The following SRGAP1 variants were observed in gnomAD, a reference collection of about 807,000 sequenced individuals.
SRGAP1 encodes the protein SLIT-ROBO Rho GTPase-activating protein 1.
Under a neutral mutation model 121.9 loss-of-function variants are expected in SRGAP1, and 43 were observed. The observed-to-expected ratio is 0.35, with a 90% CI of 0.28 to 0.46. SRGAP1 has a LOEUF of 0.46. Among genes scored for constraint, SRGAP1 ranks in the 20% least tolerant of loss-of-function variants. The pLI, the probability that SRGAP1 is intolerant of heterozygous loss-of-function variation, is 1.00. For synonymous variants in SRGAP1, 447 were observed against 485.4 expected (o/e 0.92, Z 1.04); for missense variants, 1,102 against 1,350.9 (o/e 0.82, Z 2.89).
chr12:63,927,565 T>A (rs2031306832), intron 1 of SRGAP1, among the ~76,000 whole-genome samples: 2 of 152,138 alleles, frequency 1.3e-5, no homozygotes, highest in East Asian at 3.9e-4. Context: ...CTTTCACACT[T>A]CTCTTTTGTT....
chr12:64,079,097 C>T lies in SRGAP1; in HGVS notation c.1304C>T (p.Thr435Ile). Reference protein sequence around the residue: ...IAKRRANQQETEQFYFMKLRE... With the variant: ...IAKRRANQQEIEQFYFMKLRE... Reference sequence around the variant, plus strand: ...AAGAGAAGAGCCAACCAGCAGGAAACTGAACAGTTCTACTTCATGGTGTGC... The same window carrying T: ...AAGAGAAGAGCCAACCAGCAGGAAATTGAACAGTTCTACTTCATGGTGTGC... Residue 435 changes from threonine to isoleucine, a missense_variant, in exon 9 of 22, where the codon ACT becomes ATT. Around this residue, in one of 3 missense-constraint regions of SRGAP1, gnomAD observed 747 missense variants for 929.4 expected, o/e 0.80. Coordinates refer to ENST00000355086, the MANE Select transcript of SRGAP1 (RefSeq NM_020762.4). 1 of 1,613,682 alleles carries T rather than the reference C, an allele frequency of 6.2e-7. No homozygotes were observed. The highest frequency in any genetic ancestry group is 8.5e-7 in the Non-Finnish European group (1 of 1,179,928).
At chr12:64,010,194 C>T (rs919652773) in intron 3 of SRGAP1, among the ~76,000 whole-genome samples, 1 of 152,094 alleles carries the variant, frequency 6.6e-6, no homozygotes, top group African/African-American at 2.4e-5. Context: ...CTTTTACTCC[C>T]GCGGTGACTC....
At chr12:64,053,623 TA>T (rs1426836152) in intron 6 of SRGAP1, among the ~76,000 whole-genome samples, 4 of 152,204 alleles carry the variant, frequency 2.6e-5, no homozygotes, top group Non-Finnish European at 5.9e-5. Flanking sequence ...ATTGTAAGAA[TA>T]AATATATTGC....
chr12:63,932,494 C>T (rs2031514593), intron 1 of SRGAP1, among the ~76,000 whole-genome samples: 1 of 152,178 alleles, frequency 6.6e-6, no homozygotes. Flanking sequence ...AAATTTCCAT[C>T]TGTTGCTGGT....
intron 10 of SRGAP1, chr12:64,081,405 A>C (rs1263332216): frequency 6.6e-6 from 1 of 152,122 alleles, no homozygotes; most frequent in East Asian, 1.9e-4. Context: ...CCACATGGAG[A>C]AAGGTTATCA....
chr12:64,145,633 T>A lies in SRGAP1; in HGVS notation c.*2961T>A, dbSNP rs1337187307. The stretch of plus-strand genomic sequence containing the variant: ...GACTCAGTAAAGACTCACCTCTCCT[T>A]ACTTGGTTTATTAAATGTCTTCAGA... On this transcript the variant is annotated 3_prime_UTR_variant, in exon 22 of 22. Transcript: ENST00000355086. The A allele has an allele frequency of 6.6e-6, 1 of 152,138 alleles. No homozygotes were observed. The highest frequency in any genetic ancestry group is 1.5e-5 in the Non-Finnish European group (1 of 68,050). The allele number at this position is 152,138 out of a possible 1,614,324, so 9.4% of individuals were successfully genotyped here.
At chr12:64,014,970 C>CAA (rs368243098) in intron 3 of SRGAP1, among the ~76,000 whole-genome samples, 54,557 of 151,758 alleles carry the variant, frequency 0.36, 10,976 homozygotes, top group Non-Finnish European at 0.48. Context: ...GTGTGTGCCA[C>CAA]CACACCTGGC....
At chr12:63,895,897 A>C (rs1900739247) in intron 1 of SRGAP1, among the ~76,000 whole-genome samples, 1 of 152,238 alleles carries the variant, frequency 6.6e-6, no homozygotes, top group African/African-American at 2.4e-5. Flanking sequence ...TGCACCCTGC[A>C]ATCAGCTGTG....
Position 64,126,022 on chromosome 12 carries a change from G to C in SRGAP1, c.2270G>C (p.Arg757Pro). ...ATAGCCAAGTTTGACTATGTTGGGC[G>C]GTCTGCCAGAGAACTATCCTTCAAG... ...EAIAKFDYVGRSARELSFKKG... is the reference protein window; with the variant it reads ...EAIAKFDYVGPSARELSFKKG... The change falls in exon 19 of 22, where the codon CGG (arginine) becomes CCG (proline). Residue 757 changes from arginine (R) to proline (P), a missense_variant. Arg to Pro is a moderately radical substitution (Grantham distance 103). This residue lies in a region of SRGAP1 where 747 missense variants were observed against 929.4 expected (regional missense o/e 0.80). Coordinates refer to ENST00000355086, the MANE Select transcript of SRGAP1 (RefSeq NM_020762.4). 2.5e-6 allele frequency: 4 copies of C among 1,614,104 alleles called. No individual in the cohort carries two copies. Among genetic ancestry groups the C allele is most frequent in the African/African-American group, 1.3e-5 (1 of 75,038 alleles).
At chr12:64,125,247 C>T (rs2036669011) in intron 18 of SRGAP1, among the ~76,000 whole-genome samples, 1 of 152,104 alleles carries the variant, frequency 6.6e-6, no homozygotes, top group Admixed American at 6.6e-5. Context: ...TTTTCACTCA[C>T]CATCATTCCC....
intron 3 of SRGAP1, among the ~76,000 whole-genome samples, chr12:64,008,356 A>C (rs1367674096): frequency 2.3e-5 from 3 of 130,752 alleles, no homozygotes; most frequent in East Asian, 4.0e-4. Flanking sequence ...TACTTACTCC[A>C]TAAGAATGTT....
intron 1 of SRGAP1, among the ~76,000 whole-genome samples, chr12:63,861,990 G>A (rs141363449): frequency 1.8e-3 from 279 of 152,076 alleles, no homozygotes; most frequent in African/African-American, 6.4e-3. Context: ...GTGTGGTGGC[G>A]CATGCCTGTA....
In SRGAP1 at chr12:63,984,125, G is replaced by A. The variant is rs766717171; in HGVS notation, c.246G>A (p.Lys82=). The change falls in exon 2 of 22, where the codon AAG becomes AAA. Residue 82 remains lysine, a synonymous_variant. Transcript: ENST00000355086. ...ERFMAKTRST[K]DHQQYKKDQN... ...TCATGGCAAAAACAAGAAGCACTAA[G>A]GATCATCAACAATACAAGTAAGAGA... 6.7e-7 allele frequency: 1 copy of A among 1,496,802 alleles called. No homozygotes were observed. Among genetic ancestry groups the A allele is most frequent in the South Asian group, 1.4e-5 (1 of 73,816 alleles). 92.7% of individuals were successfully genotyped at this position (1,496,802 alleles called of 1,614,324 possible).
Position 64,091,955 on chromosome 12 carries a change from T to C in SRGAP1, c.1539+577T>C, listed in dbSNP as rs1479668731. On this transcript the variant is annotated intron_variant, in intron 12 of 21. Coordinates refer to ENST00000355086, the MANE Select transcript of SRGAP1 (RefSeq NM_020762.4). ...TAGTGCTAGAGGGACGTGAGGGTGC[T>C]CTTTCACTGTTGGTATCATTTTCAA... 15 of 1,527,546 alleles carry C rather than the reference T, an allele frequency of 9.8e-6. No homozygotes were observed. In the South Asian group the frequency reaches 1.1e-4, roughly 11 times the overall value. 94.6% of individuals were successfully genotyped at this position (1,527,546 alleles called of 1,614,324 possible).
At position 64,142,841 on chromosome 12, in the gene SRGAP1, C is replaced by A; in HGVS notation, c.*169C>A. On this transcript the variant is annotated 3_prime_UTR_variant, in exon 22 of 22. Coordinates refer to ENST00000355086, the MANE Select transcript of SRGAP1 (RefSeq NM_020762.4). ...CTGAGACTAGCTAAATTAACACGGG[C>A]ATTTGTATTTTGTAATTTTTTTAAA... The A allele has an allele frequency of 1.1e-6, 1 of 889,406 alleles. No individual in the cohort carries two copies. The highest frequency in any genetic ancestry group is 1.7e-6 in the Non-Finnish European group (1 of 595,332). The allele number at this position is 889,406 out of a possible 1,614,324, so 55.1% of individuals were successfully genotyped here.
chr12:64,142,840 G>T lies in SRGAP1; in HGVS notation c.*168G>T. The T allele has an allele frequency of 1.1e-6, 1 of 893,082 alleles. No individual in the cohort carries two copies. The highest frequency in any genetic ancestry group is 1.7e-6 in the Non-Finnish European group (1 of 599,360). 55.3% of individuals were successfully genotyped at this position (893,082 alleles called of 1,614,324 possible). A position where few individuals can be genotyped will look rare whatever the true frequency, so the allele number is the denominator to read the frequency against. ...TCTGAGACTAGCTAAATTAACACGG[G>T]CATTTGTATTTTGTAATTTTTTTAA... is the stretch of plus-strand genomic sequence containing the variant. On this transcript the variant is annotated 3_prime_UTR_variant, in exon 22 of 22. Coordinates refer to ENST00000355086, the MANE Select transcript of SRGAP1 (RefSeq NM_020762.4).
intron 18 of SRGAP1, among the ~76,000 whole-genome samples, chr12:64,124,039 C>T (rs1175131527): frequency 2.0e-5 from 3 of 151,804 alleles, no homozygotes; most frequent in Admixed American, 2.0e-4. Flanking sequence ...GTAGCAAGAC[C>T]CTGTCACTGT....
intron 12 of SRGAP1, among the ~76,000 whole-genome samples, chr12:64,094,641 T>C (rs569849110): frequency 6.6e-6 from 1 of 152,320 alleles, no homozygotes; most frequent in South Asian, 2.1e-4. Context: ...ACAGAGTTCT[T>C]TTTAAGTCCA....
At chr12:63,904,458 G>C (rs546198541) in intron 1 of SRGAP1, among the ~76,000 whole-genome samples, 1 of 152,204 alleles carries the variant, frequency 6.6e-6, no homozygotes, top group Non-Finnish European at 1.5e-5. Context: ...TGGAAGTCAG[G>C]TGTTGAGGAT....
Sources: allele counts gnomAD v4.1 joint callset (sites outside exome capture counted in the v4.1 genomes callset), GRCh38; gene constraint gnomAD v4.1.1; regional missense constraint gnomAD v4.1.1; transcripts MANE v1.5; gene names NCBI Gene and HGNC (gene_info 2026-07-23, HGNC 2026-07-21).